The following DLGAP2 variants were observed in gnomAD, a reference collection of about 807,000 sequenced individuals.
DLGAP2 encodes DLG associated protein 2, also known as disks large-associated protein 2.
In DLGAP2, 26 loss-of-function variants were observed where a neutral mutation model predicts 100.3. The ratio of observed to expected loss-of-function variants is 0.26; its 90% CI spans 0.19 to 0.36. The LOEUF (loss-of-function observed/expected upper bound fraction) is 0.36. Among genes scored for constraint, DLGAP2 ranks in the 10% least tolerant of loss-of-function variants. DLGAP2 has a pLI of 1.00. For missense variants in DLGAP2, 1,858 were observed against 1,453.2 expected, an observed-to-expected ratio of 1.28 and a Z score of -4.53; for synonymous variants, 886 against 630.1, an observed-to-expected ratio of 1.41 and a Z score of -6.08.
chr8:1,162,013 G>T (rs1024500353), intron 2 of DLGAP2, among the ~76,000 whole-genome samples: 1 of 152,242 alleles, frequency 6.6e-6, no homozygotes, highest in South Asian at 2.1e-4. Context: ...CTGGCAAGAT[G>T]CACTGGCTGG....
chr8:1,556,387 CG>C (rs1801967458), intron 5 of DLGAP2, among the ~76,000 whole-genome samples: 1 of 151,874 alleles, frequency 6.6e-6, no homozygotes, highest in Non-Finnish European at 1.5e-5. Flanking sequence ...TGCAGGTGGA[CG>C]GGGTTTGGCT....
intron 3 of DLGAP2, among the ~76,000 whole-genome samples, chr8:1,260,820 C>T (rs112088137): frequency 3.3e-5 from 5 of 152,320 alleles, no homozygotes; most frequent in Non-Finnish European, 5.9e-5. Flanking sequence ...CGACTGTAGT[C>T]GTCCAGAGCA....
intron 2 of DLGAP2, among the ~76,000 whole-genome samples, chr8:1,203,733 T>C (rs1332549846): frequency 1.3e-5 from 2 of 152,216 alleles, no homozygotes; most frequent in African/African-American, 4.8e-5. Context: ...AAATGATTTC[T>C]CCACTCTCAC....
At chr8:1,351,294 C>T (rs1371747110) in intron 3 of DLGAP2, among the ~76,000 whole-genome samples, 1 of 86,266 alleles carries the variant, frequency 1.2e-5, no homozygotes, top group Non-Finnish European at 2.4e-5. Context: ...GTGGAAAGGC[C>T]GTGCGGGTCC....
chr8:1,379,441 C>G (rs543585105), intron 3 of DLGAP2, among the ~76,000 whole-genome samples: 1 of 152,262 alleles, frequency 6.6e-6, no homozygotes, highest in Non-Finnish European at 1.5e-5. Context: ...CAGACCAAGG[C>G]AGCCTCCGTC....
rs181292705 is a variant in DLGAP2 at position 1,032,421 on chromosome 8, C to T, written c.73+124455C>T. 8.5e-4 allele frequency among the ~76,000 whole-genome samples: 130 copies of T among 152,296 alleles called. 1 individual carries two copies. Among genetic ancestry groups the T allele is most frequent in the African/African-American group, 2.9e-3 (119 of 41,560 alleles). ...GAAGCATCCATCTTGAGCCAGCGCACGATGGAGAAACGTTTGGACACCTGA... is the reference window on the plus strand; with the variant it reads ...GAAGCATCCATCTTGAGCCAGCGCATGATGGAGAAACGTTTGGACACCTGA... On this transcript the variant is annotated intron_variant, in intron 2 of 14. Coordinates refer to ENST00000637795, the MANE Select transcript of DLGAP2 (RefSeq NM_001346810.2).
chr8:1,041,216 C>T (rs1303022325), intron 2 of DLGAP2, among the ~76,000 whole-genome samples: 1 of 152,168 alleles, frequency 6.6e-6, no homozygotes, highest in Non-Finnish European at 1.5e-5. Flanking sequence ...TTGTATCTGC[C>T]ACAGACCCCA....
chr8:1,252,181 G>A (rs1799059007), intron 2 of DLGAP2, among the ~76,000 whole-genome samples: 1 of 151,568 alleles, frequency 6.6e-6, no homozygotes, highest in Non-Finnish European at 1.5e-5. Flanking sequence ...CTGGGTCACG[G>A]TGTCACAGTC....
At chr8:910,218 T>C (rs1292673621) in intron 2 of DLGAP2, among the ~76,000 whole-genome samples, 1 of 152,236 alleles carries the variant, frequency 6.6e-6, no homozygotes, top group Non-Finnish European at 1.5e-5. Context: ...AGATTAACTT[T>C]GGGATGAATC....
At chr8:1,573,789 C>G (rs1047194118) in intron 6 of DLGAP2, among the ~76,000 whole-genome samples, 2 of 152,160 alleles carry the variant, frequency 1.3e-5, no homozygotes, top group Non-Finnish European at 2.9e-5. Context: ...TACCTCCCAG[C>G]TTCAGGCAGG....
At chr8:1,316,511 C>T (rs1242334047) in intron 3 of DLGAP2, among the ~76,000 whole-genome samples, 1 of 128,744 alleles carries the variant, frequency 7.8e-6, no homozygotes, top group South Asian at 2.7e-4. Flanking sequence ...CAACAGTGGT[C>T]TACACTCGAG....
intron 1 of DLGAP2, among the ~76,000 whole-genome samples, chr8:809,214 T>G (rs943185769): frequency 7.2e-5 from 11 of 152,180 alleles, no homozygotes; most frequent in Non-Finnish European, 1.6e-4. Flanking sequence ...CAATGATTAC[T>G]TCTTCATATT....
intron 6 of DLGAP2, among the ~76,000 whole-genome samples, chr8:1,615,535 A>G (rs1260757939): frequency 2.0e-5 from 3 of 152,212 alleles, no homozygotes; most frequent in Admixed American, 2.0e-4. Flanking sequence ...TATGAATGAT[A>G]TAAAAATGTT....
chr8:1,098,929 T>C (rs1804490723), intron 2 of DLGAP2, among the ~76,000 whole-genome samples: 2 of 152,202 alleles, frequency 1.3e-5, no homozygotes, highest in Non-Finnish European at 2.9e-5. Flanking sequence ...TATTGCTTTT[T>C]ACCAAATGTG....
chr8:1,028,848 A>G (rs1318228224), intron 2 of DLGAP2, among the ~76,000 whole-genome samples: 1 of 152,310 alleles, frequency 6.6e-6, no homozygotes, highest in Non-Finnish European at 1.5e-5. Flanking sequence ...CAGCATGGAG[A>G]TGGCTTAGCA....
At chr8:1,309,615 G>A (rs755770198) in intron 3 of DLGAP2, among the ~76,000 whole-genome samples, 8 of 152,208 alleles carry the variant, frequency 5.3e-5, no homozygotes, top group Admixed American at 2.0e-4. Flanking sequence ...AAAGGACAGC[G>A]GCATTAGCTC....
intron 1 of DLGAP2, among the ~76,000 whole-genome samples, chr8:811,804 A>T (rs1201140951): frequency 6.6e-6 from 1 of 152,282 alleles, no homozygotes; most frequent in African/African-American, 2.4e-5. Flanking sequence ...TGAAGCTCCC[A>T]TCAAAGGATA....
chr8:1,697,702 G>A (rs1239665554), intron 14 of DLGAP2, among the ~76,000 whole-genome samples: 3 of 152,184 alleles, frequency 2.0e-5, no homozygotes, highest in African/African-American at 7.2e-5. Context: ...GAAAGTTTTA[G>A]GCCTGGTTAT....
chr8:1,459,689 T>TTC (rs1798420138), intron 3 of DLGAP2, among the ~76,000 whole-genome samples: 1 of 147,280 alleles, frequency 6.8e-6, no homozygotes, highest in Non-Finnish European at 1.5e-5. Flanking sequence ...GTTTTCTTTT[T>TTC]TTTTTTTTTT....
Sources: gnomAD v4.1 joint callset for allele counts (sites outside exome capture counted in the v4.1 genomes callset) on GRCh38, gnomAD v4.1.1 for gene constraint, MANE v1.5 for transcripts, NCBI Gene and HGNC (gene_info 2026-07-23, HGNC 2026-07-21) for gene names.